MARCHF3: variants seen among roughly 807,000 people sequenced by gnomAD.
MARCHF3 encodes E3 ubiquitin-protein ligase MARCHF3.
In MARCHF3, 13 loss-of-function variants were observed where a neutral mutation model predicts 24.2. The observed-to-expected ratio is 0.54, with a 90% CI of 0.35 to 0.85. The LOEUF (loss-of-function observed/expected upper bound fraction) is 0.85. MARCHF3 is among the 40% of genes least tolerant of loss of function. MARCHF3 has a pLI of 0.01. For synonymous variants in MARCHF3, 144 were observed against 137.3 expected (o/e 1.05, Z -0.34); for missense variants, 276 against 325.0 (o/e 0.85, Z 1.16).
intron 1 of MARCHF3, among the ~76,000 whole-genome samples, chr5:126,993,252 C>T (rs917423436): frequency 5.9e-5 from 9 of 152,108 alleles, no homozygotes; most frequent in African/African-American, 1.9e-4. Context: ...AGTTCCAAGG[C>T]GAGGTGTAGA....
intron 1 of MARCHF3, among the ~76,000 whole-genome samples, chr5:126,926,445 T>A (rs1749299260): frequency 6.6e-6 from 1 of 152,154 alleles, no homozygotes; most frequent in African/African-American, 2.4e-5. Context: ...TCACTCAGCT[T>A]GCCAAGGAAT....
chr5:126,870,529 C>T lies in MARCHF3; in HGVS notation c.*104G>A. The T allele has an allele frequency of 9.5e-7, 1 of 1,053,540 alleles. No homozygotes were observed. The highest frequency in any genetic ancestry group is 1.4e-6 in the Non-Finnish European group (1 of 704,254). The allele number at this position is 1,053,540 out of a possible 1,614,324, so 65.3% of individuals were successfully genotyped here. A position where few individuals can be genotyped will look rare whatever the true frequency, so the allele number is the denominator to read the frequency against. On this transcript the variant is annotated 3_prime_UTR_variant, in exon 5 of 5. Transcript: ENST00000308660. ...AATATGCTCTGGATGTTCTTAGACC[C>T]ACAGGCTTAAGGAAGGGCTTGGGGG...
intron 1 of MARCHF3, among the ~76,000 whole-genome samples, chr5:127,026,116 T>C (rs1752989155): frequency 6.6e-6 from 1 of 152,004 alleles, no homozygotes; most frequent in South Asian, 2.1e-4. Context: ...AAAAAAGTTA[T>C]AATAGAATTG....
intron 3 of MARCHF3, among the ~76,000 whole-genome samples, chr5:126,896,938 C>T (rs2126780209): frequency 6.6e-6 from 1 of 152,086 alleles, no homozygotes; most frequent in African/African-American, 2.4e-5. Flanking sequence ...ATCAGATTCT[C>T]ACACATATCT....
At chr5:126,921,098 G>A (rs1749093865) in intron 1 of MARCHF3, among the ~76,000 whole-genome samples, 1 of 151,502 alleles carries the variant, frequency 6.6e-6, no homozygotes, top group South Asian at 2.1e-4. Flanking sequence ...TAAAATGATA[G>A]TCCGGTCCAG....
At chr5:126,942,756 C>T (rs924511579) in intron 1 of MARCHF3, among the ~76,000 whole-genome samples, 2 of 152,152 alleles carry the variant, frequency 1.3e-5, no homozygotes, top group Non-Finnish European at 2.9e-5. Flanking sequence ...GGCTTTTATT[C>T]TAACTCTATG....
chr5:126,876,355 G>A (rs948038289), intron 4 of MARCHF3, among the ~76,000 whole-genome samples: 1 of 152,134 alleles, frequency 6.6e-6, no homozygotes, highest in Non-Finnish European at 1.5e-5. Flanking sequence ...CTCTAAACAT[G>A]GCAAGAACTT....
At chr5:126,931,561 A>G (rs1180335106) in intron 1 of MARCHF3, among the ~76,000 whole-genome samples, 8 of 135,662 alleles carry the variant, frequency 5.9e-5, no homozygotes, top group Non-Finnish European at 1.1e-4. Context: ...CCTCTAATAC[A>G]TACATGAATA....
intron 1 of MARCHF3, among the ~76,000 whole-genome samples, chr5:126,992,125 C>G (rs983079267): frequency 7.3e-6 from 1 of 137,214 alleles, no homozygotes; most frequent in Non-Finnish European, 1.5e-5. Context: ...TGTGATTGTT[C>G]CCCCACCCCA....
At chr5:126,981,681 T>C (rs1179248953) in intron 1 of MARCHF3, among the ~76,000 whole-genome samples, 2 of 152,232 alleles carry the variant, frequency 1.3e-5, no homozygotes, top group East Asian at 1.9e-4. Context: ...ATGCACAAAA[T>C]TTCCCTCTCA....
chr5:126,928,686 C>T (rs1250742166), intron 1 of MARCHF3, among the ~76,000 whole-genome samples: 1 of 151,976 alleles, frequency 6.6e-6, no homozygotes, highest in Non-Finnish European at 1.5e-5. Flanking sequence ...TTTTTTATGC[C>T]AATATTTTTA....
intron 1 of MARCHF3, among the ~76,000 whole-genome samples, chr5:126,997,142 AC>A (rs1422192430): frequency 6.6e-6 from 1 of 152,222 alleles, no homozygotes; most frequent in East Asian, 1.9e-4. Flanking sequence ...TTATAAAAGG[AC>A]CAATAGATAC....
intron 1 of MARCHF3, among the ~76,000 whole-genome samples, chr5:126,919,649 A>T (rs1343711859): frequency 6.6e-6 from 1 of 152,212 alleles, no homozygotes; most frequent in Non-Finnish European, 1.5e-5. Context: ...GCAAGAATGC[A>T]GTGTTTCCTG....
intron 1 of MARCHF3, among the ~76,000 whole-genome samples, chr5:127,027,010 C>T (rs554221570): frequency 3.3e-5 from 5 of 152,262 alleles, no homozygotes; most frequent in Non-Finnish European, 7.4e-5. Flanking sequence ...TCTGATAGAT[C>T]CTTTCTCTTT....
At chr5:126,953,222 T>C (rs1345127896) in intron 1 of MARCHF3, among the ~76,000 whole-genome samples, 1 of 152,208 alleles carries the variant, frequency 6.6e-6, no homozygotes, top group Non-Finnish European at 1.5e-5. Context: ...TTTAATTTCA[T>C]TGAACTGTTT....
intron 3 of MARCHF3, among the ~76,000 whole-genome samples, chr5:126,882,738 A>C (rs1187684683): frequency 6.6e-6 from 1 of 152,214 alleles, no homozygotes; most frequent in Non-Finnish European, 1.5e-5. Context: ...CCTCATGCTA[A>C]ATGAATGAGA....
rs987687697 is a variant in MARCHF3 at position 126,938,243 on chromosome 5, T to C, written c.-56-20016A>G. Among the ~76,000 whole-genome samples, 32 of 150,710 alleles carry C rather than the reference T, an allele frequency of 2.1e-4. 1 individual carries two copies. The highest frequency in any genetic ancestry group is 7.6e-4 in the African/African-American group (31 of 40,984). On this transcript the variant is annotated intron_variant, in intron 1 of 4. Transcript: ENST00000308660. ...GGTACAGAGGCTCAATCTTGGCTCA[T>C]TGCAATCTCTGCCTCCCAGGTTCAA... is the stretch of plus-strand genomic sequence containing the variant.
At chr5:126,905,815 C>G (rs1754270924) in intron 3 of MARCHF3, among the ~76,000 whole-genome samples, 1 of 152,022 alleles carries the variant, frequency 6.6e-6, no homozygotes, top group Non-Finnish European at 1.5e-5. Context: ...ATTTCCTTCT[C>G]CTGCCTAATT....
At chr5:126,961,390 C>CAG (rs755823396) in intron 1 of MARCHF3, among the ~76,000 whole-genome samples, 204 of 152,222 alleles carry the variant, frequency 1.3e-3, no homozygotes, top group Admixed American at 2.2e-3. Flanking sequence ...AATCCCCAAT[C>CAG]AGAGATGTCC....
Sources: gnomAD v4.1 joint callset for allele counts (sites outside exome capture counted in the v4.1 genomes callset) on GRCh38, gnomAD v4.1.1 for gene constraint, MANE v1.5 for transcripts, NCBI Gene and HGNC (gene_info 2026-07-23, HGNC 2026-07-21) for gene names.